ITGA11: variants seen among roughly 807,000 people sequenced by gnomAD.
ITGA11 encodes integrin subunit alpha 11.
In ITGA11, 97 loss-of-function variants were observed where a neutral mutation model predicts 141.9. The ratio of observed to expected loss-of-function variants is 0.68; its 90% CI spans 0.58 to 0.81. The LOEUF (loss-of-function observed/expected upper bound fraction) is 0.81, where lower values mean the gene tolerates loss of function less well. Ranked by LOEUF, ITGA11 falls within the 30% of genes least tolerant of loss-of-function variation. The probability of loss-of-function intolerance (pLI) is 0.00; values close to 1 mark genes in which losing one functional copy is unlikely to be tolerated. For synonymous variants in ITGA11, 658 were observed against 624.6 expected, an observed-to-expected ratio of 1.05 and a Z score of -0.80; for missense variants, 1,387 against 1,559.2, an observed-to-expected ratio of 0.89 and a Z score of 1.86.
At chr15:68,386,175 G>A (rs1895979888) in intron 2 of ITGA11, among the ~76,000 whole-genome samples, 1 of 152,186 alleles carries the variant, frequency 6.6e-6, no homozygotes, top group African/African-American at 2.4e-5. Flanking sequence ...ACCTATGCCA[G>A]GTAGGTCCAT....
rs192322529 is a variant in ITGA11 at position 68,310,681 on chromosome 15, C to T, written c.3174+313G>A. 3.8e-4 allele frequency among the ~76,000 whole-genome samples: 58 copies of T among 152,326 alleles called. 1 individual carries two copies. Among genetic ancestry groups the T allele is most frequent in the Admixed American group, 3.9e-4 (6 of 15,302 alleles). On this transcript the variant is annotated intron_variant, in intron 26 of 29. Transcript: ENST00000315757. ...TCTGCCTCTCTGTATCCTACTGGCC[C>T]GCTTGGCCCAGGTGCAAGTCCACTC... is the stretch of plus-strand genomic sequence containing the variant.
intron 1 of ITGA11, among the ~76,000 whole-genome samples, chr15:68,411,372 C>T (rs1478017570): frequency 6.6e-6 from 1 of 152,244 alleles, no homozygotes; most frequent in Non-Finnish European, 1.5e-5. Flanking sequence ...TTCTTCAAGA[C>T]TCACCCATCC....
At position 68,331,115 on chromosome 15, in the gene ITGA11, C is replaced by A; in HGVS notation, c.1771-4G>T. 6.3e-7 allele frequency: 1 copy of A among 1,587,664 alleles called. No individual in the cohort carries two copies. Among genetic ancestry groups the A allele is most frequent in the South Asian group, 1.1e-5 (1 of 86,970 alleles). On this transcript the variant is annotated splice_region_variant and splice_polypyrimidine_tract_variant and intron_variant, in intron 14 of 29. Transcript: ENST00000315757. ...CCAGCTCTGAGGCTGTGATTCTCTG[C>A]AGGGCGCGGGAAGAGAGGGGGAGGG...
intron 12 of ITGA11, among the ~76,000 whole-genome samples, chr15:68,334,469 G>A (rs966978028): frequency 6.6e-6 from 1 of 152,170 alleles, no homozygotes; most frequent in Admixed American, 6.5e-5. Context: ...TGCCTACCCC[G>A]TCCATCTCTG....
chr15:68,335,976 T>G lies in ITGA11; in HGVS notation c.1277-131A>C. ...TAGGTTCAGGGCTAGCTGAGCAGAT[T>G]CAATCACGCAGGGCCATAATTCCTA... On this transcript the variant is annotated intron_variant, in intron 11 of 29. Coordinates refer to ENST00000315757, the MANE Select transcript of ITGA11 (RefSeq NM_001004439.2). The surrounding 1 kb of genome is among the most constrained non-coding windows in gnomAD (Gnocchi z 4.9). 1 of 1,068,762 alleles carries G rather than the reference T, an allele frequency of 9.4e-7. No homozygotes were observed. Among genetic ancestry groups the G allele is most frequent in the Non-Finnish European group, 1.3e-6 (1 of 742,158 alleles). The allele number at this position is 1,068,762 out of a possible 1,614,324, so 66.2% of individuals were successfully genotyped here.
At position 68,301,908 on chromosome 15, in the gene ITGA11, G is replaced by C. The variant is rs992700839; in HGVS notation, c.*1151C>G. On this transcript the variant is annotated 3_prime_UTR_variant, in exon 30 of 30. Transcript: ENST00000315757. The surrounding 1 kb of genome is among the most constrained non-coding windows in gnomAD (Gnocchi z 4.4). ...GGTCATACCACTTGTCCTGGGGGCCGGCAGATGAGATATTTGCCACCAAGG... is the reference window on the plus strand; with the variant it reads ...GGTCATACCACTTGTCCTGGGGGCCCGCAGATGAGATATTTGCCACCAAGG... The C allele has an allele frequency of 6.5e-6, 1 of 152,682 alleles. No homozygotes were observed. The highest frequency in any genetic ancestry group is 1.5e-5 in the Non-Finnish European group (1 of 68,146). The allele number at this position is 152,682 out of a possible 1,614,324, so 9.5% of individuals were successfully genotyped here.
intron 2 of ITGA11, among the ~76,000 whole-genome samples, chr15:68,378,439 G>T: frequency 6.6e-6 from 1 of 152,094 alleles, no homozygotes; most frequent in Non-Finnish European, 1.5e-5. Context: ...GAGACCAGGA[G>T]TTCAAGAGCA....
At chr15:68,403,503 G>GCCTTCA (rs1167606156) in intron 1 of ITGA11, among the ~76,000 whole-genome samples, 1 of 152,094 alleles carries the variant, frequency 6.6e-6, no homozygotes, top group African/African-American at 2.4e-5. Context: ...ACGCTGGCTC[G>GCCTTCA]CCTTCACCTT....
intron 1 of ITGA11, among the ~76,000 whole-genome samples, chr15:68,430,538 C>T (rs575510860): frequency 1.6e-4 from 24 of 152,322 alleles, no homozygotes; most frequent in African/African-American, 5.5e-4. Flanking sequence ...CACTCCTTCC[C>T]AAGGTTCTGA....
intron 10 of ITGA11, among the ~76,000 whole-genome samples, chr15:68,348,372 G>A (rs1041096054): frequency 2.6e-5 from 4 of 152,212 alleles, no homozygotes; most frequent in African/African-American, 4.8e-5. Flanking sequence ...TGTGCAGGCC[G>A]CCTTGGGCAC....
intron 2 of ITGA11, among the ~76,000 whole-genome samples, chr15:68,398,713 A>C (rs1896387210): frequency 6.8e-6 from 1 of 147,094 alleles, no homozygotes; most frequent in South Asian, 2.1e-4. Context: ...TACATTAAAT[A>C]TATATTTATT....
intron 5 of ITGA11, among the ~76,000 whole-genome samples, chr15:68,359,665 C>CA (rs1261810126): frequency 6.7e-6 from 1 of 148,244 alleles, no homozygotes; most frequent in African/African-American, 2.6e-5. Flanking sequence ...CAAAACAAAA[C>CA]AAACAAATAA....
intron 15 of ITGA11, among the ~76,000 whole-genome samples, chr15:68,329,569 C>T (rs939908783): frequency 6.6e-6 from 1 of 152,220 alleles, no homozygotes; most frequent in Non-Finnish European, 1.5e-5. Flanking sequence ...GACCGATTCT[C>T]TTGAGGGGTG....
At chr15:68,312,036 G>A (rs1025587971) in intron 24 of ITGA11, among the ~76,000 whole-genome samples, 2 of 152,192 alleles carry the variant, frequency 1.3e-5, no homozygotes, top group African/African-American at 4.8e-5. Flanking sequence ...GTATCCAGCT[G>A]TCAGCTTGCC....
chr15:68,419,450 C>A (rs1896966033), intron 1 of ITGA11, among the ~76,000 whole-genome samples: 1 of 152,182 alleles, frequency 6.6e-6, no homozygotes, highest in Non-Finnish European at 1.5e-5. Context: ...CCCTCCCAGG[C>A]AGACCCTTGG....
chr15:68,397,080 T>A (rs191426416), intron 2 of ITGA11, among the ~76,000 whole-genome samples: 13 of 20 alleles, frequency 0.65, 6 homozygotes, highest in African/African-American at 0.81. Context: ...TTATATAATA[T>A]ATAATATATA....
chr15:68,330,779 T>C (rs1894131531), intron 15 of ITGA11, among the ~76,000 whole-genome samples: 1 of 152,220 alleles, frequency 6.6e-6, no homozygotes, highest in African/African-American at 2.4e-5. Flanking sequence ...CGGGGGCTTT[T>C]GGACAGGACT....
At chr15:68,413,400 C>G (rs4238413) in intron 1 of ITGA11, among the ~76,000 whole-genome samples, 1 of 152,160 alleles carries the variant, frequency 6.6e-6, no homozygotes, top group Non-Finnish European at 1.5e-5. Flanking sequence ...GTCTATGGAG[C>G]TCCAGGTTCC....
At position 68,308,467 on chromosome 15, in the gene ITGA11, C is replaced by A. The variant is rs1275148229; in HGVS notation, c.3175-771G>T. On this transcript the variant is annotated intron_variant, in intron 26 of 29. Coordinates refer to ENST00000315757, the MANE Select transcript of ITGA11 (RefSeq NM_001004439.2). The surrounding 1 kb of genome is among the most constrained non-coding windows in gnomAD (Gnocchi z 5.2). ...TTTTAAGAAGGACTAGAGGGCTGGGCATGGTGGCTCACGCCTGTAATCTCA... is the reference window on the plus strand; with the variant it reads ...TTTTAAGAAGGACTAGAGGGCTGGGAATGGTGGCTCACGCCTGTAATCTCA... 6.6e-6 allele frequency among the ~76,000 whole-genome samples: 1 copy of A among 152,158 alleles called. No homozygotes were observed. Among genetic ancestry groups the A allele is most frequent in the East Asian group, 1.9e-4 (1 of 5,192 alleles).
Sources: gnomAD v4.1 joint callset for allele counts (sites outside exome capture counted in the v4.1 genomes callset) on GRCh38, gnomAD v4.1.1 for gene constraint, Gnocchi (gnomAD v3.1) non-coding constraint, MANE v1.5 for transcripts, NCBI Gene and HGNC (gene_info 2026-07-23, HGNC 2026-07-21) for gene names.